The following ARHGAP42 variants were observed in gnomAD, a reference collection of about 807,000 sequenced individuals.
ARHGAP42 encodes the protein rho GTPase-activating protein 42.
Under a neutral mutation model 125.0 loss-of-function variants are expected in ARHGAP42, and 63 were observed. The ratio of observed to expected loss-of-function variants is 0.50; its 90% CI spans 0.41 to 0.62. The LOEUF is 0.62. Among genes scored for constraint, ARHGAP42 ranks in the 20% least tolerant of loss-of-function variants. ARHGAP42 has a pLI of 0.00. For synonymous variants in ARHGAP42, 339 were observed against 351.0 expected (o/e 0.97, Z 0.38); for missense variants, 766 against 1,024.2 (o/e 0.75, Z 3.44).
intron 12 of ARHGAP42, among the ~76,000 whole-genome samples, chr11:100,952,931 C>T (rs1442905957): frequency 6.6e-6 from 1 of 152,014 alleles, no homozygotes; most frequent in Non-Finnish European, 1.5e-5. Flanking sequence ...GATGGGGCCT[C>T]ACCATGTTGG....
In ARHGAP42 at chr11:100,959,941, A is replaced by G; in HGVS notation, c.1221A>G (p.Thr407=). ...FVRKCIQAVE[T]RGITILGLYR... The stretch of plus-strand genomic sequence containing the variant: ...GAAAATGCATTCAAGCTGTGGAAAC[A>G]AGAGGTCAGTGTTGCCTGATTGGTA... Residue 407 remains threonine (T), a synonymous_variant, in exon 13 of 24, where the codon ACA becomes ACG. Coordinates refer to ENST00000298815, the MANE Select transcript of ARHGAP42 (RefSeq NM_152432.4). 1 of 1,551,348 alleles carries G rather than the reference A, an allele frequency of 6.4e-7. No individual in the cohort carries two copies. Among genetic ancestry groups the G allele is most frequent in the Non-Finnish European group, 8.7e-7 (1 of 1,146,492 alleles).
chr11:100,764,023 TTC>T lies in ARHGAP42; in HGVS notation c.155-6318_155-6317del, dbSNP rs796232794. On this transcript the variant is annotated intron_variant, in intron 1 of 23. Coordinates refer to ENST00000298815, the MANE Select transcript of ARHGAP42 (RefSeq NM_152432.4). ...CCTCCCCCTCTTCTTCTTCTTCTTC[TTC>T]TTTTTTTTTTTTTTTTGAGACAAGT... Among the ~76,000 whole-genome samples the T allele has an allele frequency of 5.6e-3, 760 of 136,804 alleles. 2 individuals carry two copies. Among genetic ancestry groups the T allele is most frequent in the South Asian group, 0.014 (59 of 4,312 alleles). 89.7% of individuals were successfully genotyped at this position (136,804 alleles called of 152,430 possible).
chr11:100,961,158 T>G (rs1857943570), intron 14 of ARHGAP42, among the ~76,000 whole-genome samples, 169 bp downstream of exon 14: 1 of 152,206 alleles, frequency 6.6e-6, no homozygotes, highest in South Asian at 2.1e-4. Flanking sequence ...GATGAGAATT[T>G]GAGGGGGCAT....
chr11:100,949,877 A>C, intron 11 of ARHGAP42, 40 bp from the exon 12 acceptor site: 1 of 1,350,682 alleles, frequency 7.4e-7, no homozygotes, highest in Non-Finnish European at 1.0e-6. Flanking sequence ...GTGCTGGGTC[A>C]TTAACTGGAA....
At chr11:100,800,091 T>C (rs570750440) in intron 3 of ARHGAP42, among the ~76,000 whole-genome samples, 10 of 152,322 alleles carry the variant, frequency 6.6e-5, no homozygotes, top group Non-Finnish European at 1.3e-4. Flanking sequence ...CTAGTTACTA[T>C]GTTTTTGTGG....
intron 9 of ARHGAP42, among the ~76,000 whole-genome samples, chr11:100,943,116 C>T (rs904686002): frequency 6.6e-6 from 1 of 151,792 alleles, no homozygotes. Context: ...AGTGGGTTAC[C>T]AGCAAAACAA....
At chr11:100,804,802 G>T (rs1426510880) in intron 3 of ARHGAP42, among the ~76,000 whole-genome samples, 1 of 152,128 alleles carries the variant, frequency 6.6e-6, no homozygotes, top group African/African-American at 2.4e-5. Context: ...GTGAGCCACC[G>T]TACCTGGCCT....
chr11:100,966,952 G>T (rs1040550598), intron 17 of ARHGAP42, among the ~76,000 whole-genome samples: 1 of 152,086 alleles, frequency 6.6e-6, no homozygotes, highest in African/African-American at 2.4e-5. Flanking sequence ...TTCATAATTA[G>T]TAATAACCCA....
At chr11:100,826,745 A>C (rs71476652) in intron 3 of ARHGAP42, among the ~76,000 whole-genome samples, 93 of 152,242 alleles carry the variant, frequency 6.1e-4, no homozygotes, top group Non-Finnish European at 1.2e-3. Flanking sequence ...CTCCCTAAGA[A>C]ATCCTTCCTG....
intron 1 of ARHGAP42, among the ~76,000 whole-genome samples, chr11:100,700,365 C>T (rs1385617114): frequency 6.6e-6 from 1 of 152,094 alleles, no homozygotes; most frequent in East Asian, 1.9e-4. Context: ...GTTCCTGTGA[C>T]AATTTCTTAA....
In ARHGAP42 at chr11:100,916,810, A is replaced by T. The variant is rs141171765; in HGVS notation, c.486+3257A>T. ...ATTGATCCAAGATTCATAAGTGCAG[A>T]AATTTAGAAACATCTGAAATGTCAC... On this transcript the variant is annotated intron_variant, in intron 5 of 23. Transcript: ENST00000298815. Among the ~76,000 whole-genome samples, 332 of 152,342 alleles carry T rather than the reference A, an allele frequency of 2.2e-3. 4 individuals are homozygous for T. The highest frequency in any genetic ancestry group is 7.8e-3 in the African/African-American group (324 of 41,588).
In ARHGAP42 at chr11:100,879,290, G is replaced by T. The variant is rs1238207532; in HGVS notation, c.384+19665G>T. Among the ~76,000 whole-genome samples the T allele has an allele frequency of 1.3e-5, 2 of 152,132 alleles. 1 individual carries two copies. Among genetic ancestry groups the T allele is most frequent in the East Asian group, 3.9e-4 (2 of 5,166 alleles). On this transcript the variant is annotated intron_variant, in intron 4 of 23. Coordinates refer to ENST00000298815, the MANE Select transcript of ARHGAP42 (RefSeq NM_152432.4). Reference sequence around the variant, plus strand: ...GAGAGTAATGTGGTCCTCTCTATTTGGGGGGTTATCCTTGGTTTTTGAAGT... The same window carrying T: ...GAGAGTAATGTGGTCCTCTCTATTTTGGGGGTTATCCTTGGTTTTTGAAGT...
At chr11:100,960,834 G>A (rs1461345297) in intron 13 of ARHGAP42, 81 bp from the exon 14 acceptor site, 10 of 835,494 alleles carry the variant, frequency 1.2e-5, no homozygotes, top group Admixed American at 3.5e-5. Flanking sequence ...AATTTTGTTA[G>A]GCATATGTCT....
At chr11:100,789,461 A>G (rs913106160) in intron 2 of ARHGAP42, among the ~76,000 whole-genome samples, 4 of 152,150 alleles carry the variant, frequency 2.6e-5, no homozygotes, top group South Asian at 2.1e-4. Flanking sequence ...CAGTTTTGAT[A>G]TGGCTTTACT....
At chr11:100,976,514 A>C in intron 20 of ARHGAP42, 77 bp downstream of exon 20, 1 of 1,446,882 alleles carries the variant, frequency 6.9e-7, no homozygotes, top group South Asian at 1.5e-5. Context: ...ATGGTTAAGC[A>C]GGGATAAAGT....
chr11:100,783,714 G>T (rs1009056566), intron 2 of ARHGAP42, among the ~76,000 whole-genome samples: 2 of 152,216 alleles, frequency 1.3e-5, no homozygotes, highest in Admixed American at 1.3e-4. Flanking sequence ...TCATGAGCCA[G>T]TGCCAATGCT....
rs182875710 is a variant in ARHGAP42, at chr11:100,992,119, G to C, written c.*3318G>C. On this transcript the variant is annotated 3_prime_UTR_variant, in exon 24 of 24. Transcript: ENST00000298815. ...ATTCATGTGGTTTCAGTTTAGAAGA[G>C]TCCCTCAGAGCTTTGCCTCAAGCAA... The C allele has an allele frequency of 1.7e-6, 1 of 602,112 alleles. No individual in the cohort carries two copies. Among genetic ancestry groups the C allele is most frequent in the South Asian group, 2.3e-5 (1 of 43,014 alleles). The allele number at this position is 602,112 out of a possible 1,614,324, so 37.3% of individuals were successfully genotyped here. A position where few individuals can be genotyped will look rare whatever the true frequency, so the allele number is the denominator to read the frequency against.
intron 3 of ARHGAP42, among the ~76,000 whole-genome samples, chr11:100,824,840 T>G (rs2135082386): frequency 6.6e-6 from 1 of 152,342 alleles, no homozygotes; most frequent in Non-Finnish European, 1.5e-5. Context: ...TTGCCTGATT[T>G]TATAATCATT....
At chr11:100,721,190 T>C (rs1413488724) in intron 1 of ARHGAP42, among the ~76,000 whole-genome samples, 1 of 152,184 alleles carries the variant, frequency 6.6e-6, no homozygotes, top group Non-Finnish European at 1.5e-5. Context: ...CACAATGTCA[T>C]GTATCTACCT....
Sources: gnomAD v4.1 joint callset for allele counts (sites outside exome capture counted in the v4.1 genomes callset) on GRCh38, gnomAD v4.1.1 for gene constraint, MANE v1.5 for transcripts, NCBI Gene and HGNC (gene_info 2026-07-23, HGNC 2026-07-21) for gene names.